Variants in C2CD5 observed in about 807,000 individuals in gnomAD.
The protein encoded by C2CD5 is C2 domain-containing protein 5.
In C2CD5, 109 loss-of-function variants were observed where a neutral mutation model predicts 130.3. That is an observed-to-expected ratio of 0.84 (90% CI 0.72 to 0.98). The LOEUF is 0.98. Among genes scored for constraint, C2CD5 ranks in the 50% least tolerant of loss-of-function variants. C2CD5 has a pLI of 0.00. For missense variants in C2CD5, 996 were observed against 1,261.8 expected, an observed-to-expected ratio of 0.79 and a Z score of 3.19; for synonymous variants, 454 against 429.2, an observed-to-expected ratio of 1.06 and a Z score of -0.71.
intron 2 of C2CD5, among the ~76,000 whole-genome samples, chr12:22,535,956 A>G (rs1417165598): frequency 1.3e-5 from 2 of 152,198 alleles, no homozygotes; most frequent in Non-Finnish European, 2.9e-5. Flanking sequence ...ACAATGGCAT[A>G]TATCAGCAGC....
intron 15 of C2CD5, among the ~76,000 whole-genome samples, chr12:22,477,722 A>T (rs925209768): frequency 6.6e-6 from 1 of 152,150 alleles, no homozygotes; most frequent in Non-Finnish European, 1.5e-5. Flanking sequence ...AGGAGGCAGC[A>T]TTGTGATACT....
At chr12:22,541,758 G>C (rs1471117589) in intron 2 of C2CD5, among the ~76,000 whole-genome samples, 1 of 152,036 alleles carries the variant, frequency 6.6e-6, no homozygotes, top group Non-Finnish European at 1.5e-5. Context: ...TCTTTCTATT[G>C]TTCCCTTTCA....
chr12:22,517,243 T>C (rs965240331), intron 8 of C2CD5, among the ~76,000 whole-genome samples: 2 of 151,788 alleles, frequency 1.3e-5, no homozygotes, highest in Non-Finnish European at 2.9e-5. Context: ...AAATACTATT[T>C]ATAAAAATTT....
chr12:22,509,488 C>T (rs991512880), intron 9 of C2CD5, among the ~76,000 whole-genome samples: 1 of 152,170 alleles, frequency 6.6e-6, no homozygotes, highest in Non-Finnish European at 1.5e-5. Flanking sequence ...CTCTCCACCT[C>T]ACATGTCCCC....
intron 18 of C2CD5, 85 bp downstream of exon 18, chr12:22,472,201 T>TA (rs373390040): frequency 0.028 from 18,146 of 654,882 alleles, 115 homozygotes; most frequent in African/African-American, 0.088. Context: ...AATAAGGAGG[T>TA]AAAAAAAAAA....
intron 2 of C2CD5, among the ~76,000 whole-genome samples, chr12:22,541,864 G>T (rs1370421737): frequency 6.6e-6 from 1 of 152,158 alleles, no homozygotes; most frequent in African/African-American, 2.4e-5. Context: ...ATTAAGAGAA[G>T]GAACCAAGTC....
chr12:22,544,047 G>A lies in C2CD5; in HGVS notation c.90+14C>T, dbSNP rs772630653. On this transcript the variant is annotated intron_variant, in intron 2 of 26. Transcript: ENST00000446597. ...GCGCTCCCTGTGTTTTGAGGGGCAG[G>A]ACCCTGCACCAACCTCCACGAAGGC... The A allele has an allele frequency of 2.3e-5, 36 of 1,596,062 alleles. No homozygotes were observed. The highest frequency in any genetic ancestry group is 2.8e-5 in the Non-Finnish European group (33 of 1,164,660).
intron 20 of C2CD5, 68 bp downstream of exon 20, chr12:22,471,331 G>C: frequency 1.1e-6 from 1 of 874,076 alleles, no homozygotes; most frequent in Admixed American, 2.2e-5. Flanking sequence ...GCAAAATTAT[G>C]ATAAACAGAT....
chr12:22,487,916 G>A (rs1945762370), intron 12 of C2CD5, among the ~76,000 whole-genome samples: 1 of 152,014 alleles, frequency 6.6e-6, no homozygotes. Context: ...CATGGATGAA[G>A]CTGGAAACCA....
chr12:22,505,074 A>G (rs1948317453), intron 10 of C2CD5, among the ~76,000 whole-genome samples: 1 of 152,162 alleles, frequency 6.6e-6, no homozygotes, highest in Non-Finnish European at 1.5e-5. Context: ...AATCTCATTC[A>G]GGGTCCAGAG....
At chr12:22,469,958 T>C (rs766522566) in intron 21 of C2CD5, among the ~76,000 whole-genome samples, 163 bp from the exon 22 acceptor site, 2 of 152,134 alleles carry the variant, frequency 1.3e-5, no homozygotes, top group Non-Finnish European at 2.9e-5. Context: ...AAACCATTCA[T>C]CTGCATGATG....
At chr12:22,453,375 T>G (rs1240848194) in intron 26 of C2CD5, among the ~76,000 whole-genome samples, 1 of 152,174 alleles carries the variant, frequency 6.6e-6, no homozygotes, top group Non-Finnish European at 1.5e-5. Flanking sequence ...TGATTAATTT[T>G]TAAAAAATTT....
intron 3 of C2CD5, among the ~76,000 whole-genome samples, chr12:22,534,401 T>C (rs555496416): frequency 3.3e-5 from 5 of 152,224 alleles, no homozygotes; most frequent in African/African-American, 1.2e-4. Flanking sequence ...TTTAAAACTT[T>C]TGCGCATCAA....
chr12:22,504,320 G>C (rs962754286), intron 10 of C2CD5, among the ~76,000 whole-genome samples: 12 of 83,246 alleles, frequency 1.4e-4, no homozygotes, highest in South Asian at 3.8e-4. Flanking sequence ...TTTTTTTTTT[G>C]AGAAGGAGTC....
In C2CD5 at chr12:22,465,352, T is replaced by C. The variant is rs191889218; in HGVS notation, c.2533+4357A>G. 2.1e-3 allele frequency among the ~76,000 whole-genome samples: 316 copies of C among 152,260 alleles called. 5 individuals carry two copies. Among genetic ancestry groups the C allele is most frequent in the African/African-American group, 7.2e-3 (300 of 41,570 alleles). ...TTAAACCTTTTTAATTTTTAAATGA[T>C]CAGTGTTTTAATGAAAACTATTATC... is the stretch of plus-strand genomic sequence containing the variant. On this transcript the variant is annotated intron_variant, in intron 22 of 26. Coordinates refer to ENST00000446597, the MANE Select transcript of C2CD5 (RefSeq NM_001286176.2).
At chr12:22,476,431 T>C (rs1360642222) in intron 15 of C2CD5, among the ~76,000 whole-genome samples, 1 of 152,112 alleles carries the variant, frequency 6.6e-6, no homozygotes, top group Non-Finnish European at 1.5e-5. Context: ...AACTGATGAG[T>C]ACTGTTGTGA....
rs1313254286 is a variant in C2CD5 at position 22,482,258 on chromosome 12, A to T, written c.1737+299T>A. 2.0e-5 allele frequency among the ~76,000 whole-genome samples: 3 copies of T among 152,130 alleles called. No individual in the cohort carries two copies. In the East Asian group the frequency reaches 5.8e-4, roughly 29 times the overall value. On this transcript the variant is annotated intron_variant, in intron 14 of 26. Coordinates refer to ENST00000446597, the MANE Select transcript of C2CD5 (RefSeq NM_001286176.2). ...CCTGCCCTAGTACTGAGATGGAGGA[A>T]CCCTGTTTTAGCAATATGTAAACAA...
chr12:22,449,979 A>G, intron 26 of C2CD5, 88 bp from the exon 27 acceptor site: 1 of 1,002,048 alleles, frequency 1.0e-6, no homozygotes, highest in Non-Finnish European at 1.4e-6. Flanking sequence ...GTACAGCCAA[A>G]AAACACAGGC....
intron 22 of C2CD5, among the ~76,000 whole-genome samples, chr12:22,460,247 C>T (rs908278142): frequency 3.9e-5 from 6 of 152,070 alleles, no homozygotes; most frequent in Admixed American, 2.0e-4. Context: ...TATAAAAAAA[C>T]TTCATAACCT....
Sources: allele counts gnomAD v4.1 joint callset (sites outside exome capture counted in the v4.1 genomes callset), GRCh38; gene constraint gnomAD v4.1.1; transcripts MANE v1.5; gene names NCBI Gene and HGNC (gene_info 2026-07-23, HGNC 2026-07-21).